Variants in TAF4B observed in about 807,000 individuals in gnomAD.
The protein encoded by TAF4B is transcription initiation factor TFIID subunit 4B.
Under a neutral mutation model 86.4 loss-of-function variants are expected in TAF4B, and 38 were observed. That is an observed-to-expected ratio of 0.44 (90% CI 0.34 to 0.58). The LOEUF (loss-of-function observed/expected upper bound fraction) is 0.58. Among genes scored for constraint, TAF4B ranks in the 20% least tolerant of loss-of-function variants. The pLI, the probability that TAF4B is intolerant of heterozygous loss-of-function variation, is 0.02. For missense variants in TAF4B, 988 were observed against 1,027.6 expected (o/e 0.96, Z 0.53); for synonymous variants, 388 against 391.2 (o/e 0.99, Z 0.10).
At chr18:26,278,305 T>C (rs570171512) in intron 5 of TAF4B, among the ~76,000 whole-genome samples, 1 of 152,266 alleles carries the variant, frequency 6.6e-6, no homozygotes, top group Non-Finnish European at 1.5e-5. Context: ...GTCTATTTTT[T>C]TTTATTTTTA....
At chr18:26,237,603 A>G (rs886464304) in intron 1 of TAF4B, among the ~76,000 whole-genome samples, 3 of 152,082 alleles carry the variant, frequency 2.0e-5, no homozygotes, top group South Asian at 2.1e-4. Flanking sequence ...ATATGGAGGT[A>G]AGCTGAGAGG....
At chr18:26,232,484 CAAG>C (rs1200171127) in intron 1 of TAF4B, among the ~76,000 whole-genome samples, 2 of 152,086 alleles carry the variant, frequency 1.3e-5, no homozygotes, top group Non-Finnish European at 2.9e-5. Context: ...ACAAATTTGA[CAAG>C]GAGATTAAAA....
At position 26,390,945 on chromosome 18, in the gene TAF4B, G is replaced by T. The variant is rs1129711; in HGVS notation, c.*933G>T. On this transcript the variant is annotated 3_prime_UTR_variant, in exon 15 of 15. Coordinates refer to ENST00000269142, the MANE Select transcript of TAF4B (RefSeq NM_005640.3). Reference sequence around the variant, plus strand: ...TTTCAAAAGGAAAATGTTATTTTTTGTTTTGTATTGTTTTAAATCCCAAGG... The same window carrying T: ...TTTCAAAAGGAAAATGTTATTTTTTTTTTTGTATTGTTTTAAATCCCAAGG... 1 of 152,068 alleles carries T rather than the reference G, an allele frequency of 6.6e-6. No homozygotes were observed. Among genetic ancestry groups the T allele is most frequent in the Non-Finnish European group, 1.5e-5 (1 of 67,992 alleles). The allele number at this position is 152,068 out of a possible 1,614,324, so 9.4% of individuals were successfully genotyped here.
chr18:26,279,583 G>T (rs1296162947), intron 5 of TAF4B, among the ~76,000 whole-genome samples: 1 of 151,058 alleles, frequency 6.6e-6, no homozygotes, highest in Non-Finnish European at 1.5e-5. Flanking sequence ...AAGCCAAGTG[G>T]CATCACATTA....
intron 3 of TAF4B, among the ~76,000 whole-genome samples, chr18:26,274,321 A>C (rs2056356349): frequency 6.6e-6 from 1 of 152,206 alleles, no homozygotes; most frequent in African/African-American, 2.4e-5. Context: ...ATATTTTTTG[A>C]GGACTTATTT....
At chr18:26,271,706 C>G (rs2056320690) in intron 3 of TAF4B, among the ~76,000 whole-genome samples, 1 of 151,966 alleles carries the variant, frequency 6.6e-6, no homozygotes, top group Non-Finnish European at 1.5e-5. Context: ...GGTGGATCAC[C>G]TGAGGTCAGG....
At chr18:26,287,043 T>C (rs1274255298) in intron 7 of TAF4B, among the ~76,000 whole-genome samples, 1 of 152,218 alleles carries the variant, frequency 6.6e-6, no homozygotes, top group Non-Finnish European at 1.5e-5. Flanking sequence ...GCAAAAATTA[T>C]GACAGTGCAT....
intron 1 of TAF4B, among the ~76,000 whole-genome samples, chr18:26,238,139 A>G (rs1490948698): frequency 1.3e-5 from 2 of 152,178 alleles, no homozygotes; most frequent in Admixed American, 6.5e-5. Flanking sequence ...CTCTTAGCTC[A>G]CAAAGAGGAC....
chr18:26,285,777 A>G (rs2144594944), intron 6 of TAF4B, 105 bp from the exon 7 acceptor site: 2 of 1,342,214 alleles, frequency 1.5e-6, no homozygotes, highest in Non-Finnish European at 1.0e-6. Flanking sequence ...AATACTTGAT[A>G]CACTTTTGAT....
chr18:26,233,321 G>A (rs1332757072), intron 1 of TAF4B, among the ~76,000 whole-genome samples: 1 of 152,198 alleles, frequency 6.6e-6, no homozygotes, highest in East Asian at 1.9e-4. Flanking sequence ...ATTGAAAGAA[G>A]GGAGGAGAAG....
intron 10 of TAF4B, among the ~76,000 whole-genome samples, chr18:26,318,923 G>A (rs766681864): frequency 6.6e-6 from 1 of 152,210 alleles, no homozygotes; most frequent in Non-Finnish European, 1.5e-5. Context: ...AAACACTAAG[G>A]TGCCTTGCAC....
chr18:26,293,197 C>T (rs953150496), intron 8 of TAF4B, among the ~76,000 whole-genome samples: 1 of 152,028 alleles, frequency 6.6e-6, no homozygotes, highest in African/African-American at 2.4e-5. Context: ...TTTTATAATA[C>T]TGCTAACATA....
chr18:26,365,853 G>C (rs1358203005), intron 14 of TAF4B, among the ~76,000 whole-genome samples: 1 of 151,978 alleles, frequency 6.6e-6, no homozygotes, highest in African/African-American at 2.4e-5. Flanking sequence ...GCAGTGGTGC[G>C]ATCTCAGCTC....
At chr18:26,336,760 A>G (rs983323315) in intron 13 of TAF4B, among the ~76,000 whole-genome samples, 3 of 152,296 alleles carry the variant, frequency 2.0e-5, no homozygotes, top group African/African-American at 7.2e-5. Context: ...TTAATTAAGG[A>G]CTGACTAGAT....
At chr18:26,352,495 A>G (rs1302020735) in intron 13 of TAF4B, among the ~76,000 whole-genome samples, 1 of 152,138 alleles carries the variant, frequency 6.6e-6, no homozygotes, top group African/African-American at 2.4e-5. Context: ...TTCTTTGATC[A>G]ACAACATCGA....
At chr18:26,263,615 T>G (rs1353445015) in intron 1 of TAF4B, among the ~76,000 whole-genome samples, 4 of 152,178 alleles carry the variant, frequency 2.6e-5, no homozygotes, top group Non-Finnish European at 5.9e-5. Context: ...TGAATAACAG[T>G]TTTTACTTTT....
At chr18:26,346,881 A>ATATATATATATATGTGTG (rs1475521822) in intron 13 of TAF4B, among the ~76,000 whole-genome samples, 1 of 8,020 alleles carries the variant, frequency 1.2e-4, no homozygotes, top group African/African-American at 2.0e-4. Context: ...ATATGTGTAT[A>ATATATATATATATGTGTG]TATATATATA....
chr18:26,290,699 G>A (rs2056580838), intron 7 of TAF4B, among the ~76,000 whole-genome samples: 1 of 152,152 alleles, frequency 6.6e-6, no homozygotes, highest in South Asian at 2.1e-4. Context: ...TTTCAAACAC[G>A]AGTGACTTCA....
chr18:26,341,524 T>C (rs2057135826), intron 13 of TAF4B, among the ~76,000 whole-genome samples: 1 of 152,174 alleles, frequency 6.6e-6, no homozygotes, highest in African/African-American at 2.4e-5. Flanking sequence ...TGGTTTAAGT[T>C]AAAGAGAGAA....
Sources: allele counts gnomAD v4.1 joint callset (sites outside exome capture counted in the v4.1 genomes callset), GRCh38; gene constraint gnomAD v4.1.1; transcripts MANE v1.5; gene names NCBI Gene and HGNC (gene_info 2026-07-23, HGNC 2026-07-21).